STAC: variants seen among roughly 807,000 people sequenced by gnomAD.
The protein encoded by STAC is SH3 and cysteine rich domain, also known as SH3 and cysteine-rich domain-containing protein.
STAC carries 43 observed loss-of-function variants against 48.8 expected under a neutral mutation model. The ratio of observed to expected loss-of-function variants is 0.88; its 90% CI spans 0.69 to 1.14. STAC has a LOEUF of 1.14. Among genes scored for constraint, STAC ranks in the 50% most tolerant of loss-of-function variants. STAC has a pLI of 0.00. For missense variants in STAC, 497 were observed against 504.0 expected (o/e 0.99, Z 0.13); for synonymous variants, 193 against 179.5 (o/e 1.07, Z -0.60).
intron 8 of STAC, among the ~76,000 whole-genome samples, chr3:36,508,470 A>G (rs578121847): frequency 6.6e-6 from 1 of 152,230 alleles, no homozygotes; most frequent in South Asian, 2.1e-4. Flanking sequence ...AGTCCTGAAG[A>G]TCCTTGTTAA....
intron 1 of STAC, among the ~76,000 whole-genome samples, chr3:36,394,508 A>G (rs1315191922): frequency 6.6e-6 from 1 of 152,186 alleles, no homozygotes; most frequent in Admixed American, 6.5e-5. Context: ...ATGCAGTGGG[A>G]CTACAGCATA....
intron 8 of STAC, among the ~76,000 whole-genome samples, chr3:36,515,626 G>A (rs775297346): frequency 2.6e-5 from 4 of 152,176 alleles, no homozygotes; most frequent in Non-Finnish European, 5.9e-5. Context: ...TTACCCATTT[G>A]TCTGGTGTTC....
chr3:36,544,248 C>A (rs190785601), intron 10 of STAC, among the ~76,000 whole-genome samples: 2 of 152,172 alleles, frequency 1.3e-5, no homozygotes, highest in Non-Finnish European at 2.9e-5. Flanking sequence ...CGGCTCACTG[C>A]AACCTCTGCC....
intron 8 of STAC, among the ~76,000 whole-genome samples, chr3:36,527,888 A>G (rs1698973920): frequency 6.6e-6 from 1 of 152,312 alleles, no homozygotes; most frequent in African/African-American, 2.4e-5. Flanking sequence ...CTCCAATTAC[A>G]CCAGCATAAA....
At chr3:36,477,699 A>G (rs567803352) in intron 2 of STAC, among the ~76,000 whole-genome samples, 1 of 152,318 alleles carries the variant, frequency 6.6e-6, no homozygotes, top group African/African-American at 2.4e-5. Flanking sequence ...ATTGGATTAC[A>G]TTGATCCATT....
chr3:36,426,337 G>A (rs1700563694), intron 1 of STAC, among the ~76,000 whole-genome samples: 1 of 152,186 alleles, frequency 6.6e-6, no homozygotes, highest in Non-Finnish European at 1.5e-5. Flanking sequence ...ATCAAGGAAA[G>A]CATCAGATGA....
intron 1 of STAC, among the ~76,000 whole-genome samples, chr3:36,425,412 G>T (rs1241147427): frequency 1.3e-5 from 2 of 152,156 alleles, no homozygotes; most frequent in East Asian, 3.8e-4. Flanking sequence ...GGTTATGAAA[G>T]GCAAAGTAAG....
chr3:36,503,625 G>C (rs779176633), intron 6 of STAC, among the ~76,000 whole-genome samples: 61 of 151,982 alleles, frequency 4.0e-4, no homozygotes, highest in Non-Finnish European at 1.3e-4. Flanking sequence ...TAGAGATGGG[G>C]TTTCACCAAG....
chr3:36,474,784 T>C (rs1697444757), intron 2 of STAC, among the ~76,000 whole-genome samples: 1 of 152,234 alleles, frequency 6.6e-6, no homozygotes, highest in Non-Finnish European at 1.5e-5. Flanking sequence ...TACTTCCCTG[T>C]TATAATAATA....
At chr3:36,436,540 G>T (rs967814153) in intron 1 of STAC, among the ~76,000 whole-genome samples, 1 of 152,138 alleles carries the variant, frequency 6.6e-6, no homozygotes, top group African/African-American at 2.4e-5. Context: ...TTGATCTCTT[G>T]TTGGGGCCAC....
chr3:36,442,932 A>G (rs1055953434), intron 1 of STAC, among the ~76,000 whole-genome samples: 1 of 152,218 alleles, frequency 6.6e-6, no homozygotes, highest in African/African-American at 2.4e-5. Context: ...GTGCAGAGAC[A>G]AGTGGCTGTT....
intron 1 of STAC, among the ~76,000 whole-genome samples, chr3:36,410,461 T>C (rs138607300): frequency 0.027 from 4,110 of 152,298 alleles, 71 homozygotes; most frequent in Non-Finnish European, 0.039. Context: ...AAGAGGCTAA[T>C]AGAACTATTA....
intron 2 of STAC, among the ~76,000 whole-genome samples, chr3:36,462,745 C>G (rs1039263515): frequency 2.6e-5 from 4 of 152,156 alleles, no homozygotes; most frequent in South Asian, 2.1e-4. Context: ...CCAAGTGGAT[C>G]ATGGTGTCTA....
intron 2 of STAC, among the ~76,000 whole-genome samples, chr3:36,471,117 T>C (rs1422949231): frequency 6.6e-6 from 1 of 152,156 alleles, no homozygotes; most frequent in African/African-American, 2.4e-5. Flanking sequence ...CAGTTCCACA[T>C]GGCTGGGGAA....
In STAC at chr3:36,380,583, C is replaced by A; in HGVS notation, c.-61C>A. Reference sequence around the variant, plus strand: ...GCAGCCTGGCGCGCGGCGGGCAGGGCGCGCAGGACAGAAGCCTCGCTGTTC... The same window carrying A: ...GCAGCCTGGCGCGCGGCGGGCAGGGAGCGCAGGACAGAAGCCTCGCTGTTC... On this transcript the variant is annotated 5_prime_UTR_variant, in exon 1 of 11. Coordinates refer to ENST00000273183, the MANE Select transcript of STAC (RefSeq NM_003149.3). 4 of 1,357,098 alleles carry A rather than the reference C, an allele frequency of 2.9e-6. No homozygotes were observed. Among genetic ancestry groups the A allele is most frequent in the Non-Finnish European group, 4.1e-6 (4 of 974,116 alleles). The allele number at this position is 1,357,098 out of a possible 1,614,324, so 84.1% of individuals were successfully genotyped here.
intron 6 of STAC, among the ~76,000 whole-genome samples, chr3:36,495,942 AT>A (rs112004850): frequency 1.9e-3 from 295 of 152,316 alleles, no homozygotes; most frequent in African/African-American, 6.6e-3. Context: ...TCATAGGCTC[AT>A]TAAAGTTTAA....
At chr3:36,531,352 C>T (rs1186455023) in intron 10 of STAC, among the ~76,000 whole-genome samples, 8 of 152,174 alleles carry the variant, frequency 5.3e-5, no homozygotes, top group Admixed American at 5.2e-4. Flanking sequence ...AAGTGATTAA[C>T]TCAATGACAA....
rs529307434 is a variant in STAC, at chr3:36,500,319, A to G, written c.767-4074A>G. 3.3e-5 allele frequency among the ~76,000 whole-genome samples: 5 copies of G among 152,338 alleles called. No individual in the cohort carries two copies. The South Asian group carries it at 1.0e-3, about 32-fold the overall frequency. ...AGGAACATGGATGGAGCTAGAAGCC[A>G]TTATCCTAAACAAACCAATGCAGAA... On this transcript the variant is annotated intron_variant, in intron 6 of 10. Transcript: ENST00000273183.
intron 10 of STAC, among the ~76,000 whole-genome samples, chr3:36,545,831 T>A (rs1265197822): frequency 6.6e-6 from 1 of 152,196 alleles, no homozygotes; most frequent in Non-Finnish European, 1.5e-5. Context: ...TAAAATAATG[T>A]CCTGAGAATT....
Sources: allele counts gnomAD v4.1 joint callset (sites outside exome capture counted in the v4.1 genomes callset), GRCh38; gene constraint gnomAD v4.1.1; transcripts MANE v1.5; gene names NCBI Gene and HGNC (gene_info 2026-07-23, HGNC 2026-07-21).